POU6F2: variants seen among roughly 807,000 people sequenced by gnomAD.
POU6F2 encodes POU class 6 homeobox 2, also known as POU domain, class 6, transcription factor 2.
A neutral mutation model predicts 71.3 loss-of-function variants in POU6F2; 31 were observed. That is an observed-to-expected ratio of 0.43 (90% CI 0.33 to 0.59). POU6F2 has a LOEUF of 0.59. POU6F2 is among the 20% of genes least tolerant of loss of function. POU6F2 has a pLI of 0.04. For missense variants in POU6F2, 783 were observed against 856.8 expected (o/e 0.91, Z 1.07); for synonymous variants, 347 against 355.7 (o/e 0.98, Z 0.27).
At chr7:39,266,040 G>A (rs758482074) in intron 4 of POU6F2, among the ~76,000 whole-genome samples, 31 of 152,272 alleles carry the variant, frequency 2.0e-4, no homozygotes, top group Middle Eastern at 3.4e-3. Flanking sequence ...CCTTCTCCTC[G>A]GAAGTGGAGG....
intron 1 of POU6F2, among the ~76,000 whole-genome samples, chr7:38,988,679 G>T (rs750842369): frequency 5.3e-5 from 8 of 152,076 alleles, no homozygotes; most frequent in Non-Finnish European, 8.8e-5. Flanking sequence ...CTCACGCCAG[G>T]TCTGTAAGGT....
intron 7 of POU6F2, among the ~76,000 whole-genome samples, chr7:39,448,725 C>T (rs566091951): frequency 8.4e-4 from 128 of 152,166 alleles, no homozygotes; most frequent in Middle Eastern, 6.8e-3. Context: ...TTTTCCAGTT[C>T]CTTGATGGTT....
chr7:39,164,139 T>C (rs1201316874), intron 2 of POU6F2, among the ~76,000 whole-genome samples: 3 of 152,142 alleles, frequency 2.0e-5, no homozygotes, highest in Admixed American at 6.5e-5. Flanking sequence ...ACATTCATTA[T>C]CTTGAATTAG....
chr7:39,350,767 A>G (rs1786124808), intron 5 of POU6F2, among the ~76,000 whole-genome samples: 1 of 152,234 alleles, frequency 6.6e-6, no homozygotes, highest in South Asian at 2.1e-4. Flanking sequence ...CCTGCATGTA[A>G]TCAAATATTT....
chr7:39,096,757 A>G (rs62673862), intron 2 of POU6F2, among the ~76,000 whole-genome samples: 5 of 151,282 alleles, frequency 3.3e-5, no homozygotes. Flanking sequence ...GAAAAAAAAA[A>G]TGACTTAAAA....
chr7:39,460,488 C>A lies in POU6F2; in HGVS notation c.1490-59C>A. 6.4e-7 allele frequency: 1 copy of A among 1,564,738 alleles called. No individual in the cohort carries two copies. The highest frequency in any genetic ancestry group is 8.7e-7 in the Non-Finnish European group (1 of 1,147,742). On this transcript the variant is annotated intron_variant, in intron 8 of 9. Transcript: ENST00000518318. This position sits in a 1 kb window ranked among gnomAD's most constrained non-coding sequence, Gnocchi z 4.4. ...CCACTTTCTTATAAACCGTAATAAA[C>A]AGATATTGCTCGGCTGTGTGTTGAC...
intron 4 of POU6F2, among the ~76,000 whole-genome samples, chr7:39,266,030 C>T (rs1784232305): frequency 6.6e-6 from 1 of 152,158 alleles, no homozygotes; most frequent in South Asian, 2.1e-4. Flanking sequence ...GGCTGGTCTG[C>T]CTTCTCCTCG....
At chr7:39,305,516 T>C (rs1365070093) in intron 4 of POU6F2, among the ~76,000 whole-genome samples, 1 of 152,254 alleles carries the variant, frequency 6.6e-6, no homozygotes, top group Non-Finnish European at 1.5e-5. Context: ...CAAGCATTCA[T>C]GCCGCAATCA....
At chr7:39,110,499 G>A (rs1279959633) in intron 2 of POU6F2, among the ~76,000 whole-genome samples, 3 of 151,874 alleles carry the variant, frequency 2.0e-5, no homozygotes, top group Admixed American at 1.3e-4. Flanking sequence ...ATTATGTCAC[G>A]TTGGTAGCTT....
intron 4 of POU6F2, among the ~76,000 whole-genome samples, chr7:39,253,235 T>C (rs1783961483): frequency 6.6e-6 from 1 of 152,196 alleles, no homozygotes; most frequent in Non-Finnish European, 1.5e-5. Flanking sequence ...GTGGAGAATT[T>C]CCAAAAAGTT....
intron 2 of POU6F2, among the ~76,000 whole-genome samples, chr7:39,189,715 G>C (rs1056674551): frequency 1.5e-4 from 22 of 151,332 alleles, no homozygotes; most frequent in Non-Finnish European, 1.8e-4. Context: ...GTTTTAAATT[G>C]GCTTCATTTT....
intron 1 of POU6F2, among the ~76,000 whole-genome samples, chr7:39,056,862 A>G (rs1790540006): frequency 6.6e-6 from 1 of 152,086 alleles, no homozygotes; most frequent in Non-Finnish European, 1.5e-5. Flanking sequence ...ACAATACAGA[A>G]TTATCTTCTT....
At chr7:39,080,401 G>A (rs1035474687) in intron 1 of POU6F2, among the ~76,000 whole-genome samples, 5 of 151,792 alleles carry the variant, frequency 3.3e-5, no homozygotes, top group South Asian at 2.1e-4. Context: ...CCTCTTCTCC[G>A]TGGGAAAAAC....
chr7:39,375,861 TTTG>T (rs955570380), intron 5 of POU6F2, among the ~76,000 whole-genome samples: 13 of 152,076 alleles, frequency 8.5e-5, no homozygotes, highest in South Asian at 2.1e-4. Context: ...GGTGGAGTTT[TTTG>T]TTGTTGTTGT....
rs1268030134 is a variant in POU6F2 at position 39,165,105 on chromosome 7, C to T, written c.278-39130C>T. ...ATGCTTCCCCGGGGATTACAGCCTGCCCTGACTGGCGGCGCACTCAGTGTT... is the reference window on the plus strand; with the variant it reads ...ATGCTTCCCCGGGGATTACAGCCTGTCCTGACTGGCGGCGCACTCAGTGTT... On this transcript the variant is annotated intron_variant, in intron 2 of 9. Transcript: ENST00000518318. Among the ~76,000 whole-genome samples, 3 of 152,194 alleles carry T rather than the reference C, an allele frequency of 2.0e-5. No homozygotes were observed. In the East Asian group the frequency reaches 5.8e-4, roughly 29 times the overall value.
chr7:39,304,332 AGAATT>A (rs1785011267), intron 4 of POU6F2, among the ~76,000 whole-genome samples: 1 of 152,218 alleles, frequency 6.6e-6, no homozygotes, highest in African/African-American at 2.4e-5. Context: ...AGAGCTTTTG[AGAATT>A]CGAATCGACA....
chr7:39,235,886 T>C (rs1250027179), intron 4 of POU6F2, among the ~76,000 whole-genome samples: 1 of 152,142 alleles, frequency 6.6e-6, no homozygotes, highest in Non-Finnish European at 1.5e-5. Context: ...CACAGATGTC[T>C]TCTTTCCAAT....
intron 5 of POU6F2, among the ~76,000 whole-genome samples, chr7:39,360,334 A>G (rs1317442941): frequency 1.3e-5 from 2 of 152,242 alleles, no homozygotes; most frequent in South Asian, 2.1e-4. Flanking sequence ...TCCAATGAAT[A>G]TACTGAATGT....
At chr7:39,295,899 G>GTCTTCAA (rs545024563) in intron 4 of POU6F2, among the ~76,000 whole-genome samples, 8 of 152,054 alleles carry the variant, frequency 5.3e-5, no homozygotes, top group Non-Finnish European at 1.0e-4. Flanking sequence ...GAGGAATCTT[G>GTCTTCAA]GTACCTGCCT....
Sources: gnomAD v4.1 joint callset for allele counts (sites outside exome capture counted in the v4.1 genomes callset) on GRCh38, gnomAD v4.1.1 for gene constraint, Gnocchi (gnomAD v3.1) non-coding constraint, MANE v1.5 for transcripts, NCBI Gene and HGNC (gene_info 2026-07-23, HGNC 2026-07-21) for gene names.